SIDT1: variants seen among roughly 807,000 people sequenced by gnomAD.
SIDT1 encodes SID1 transmembrane family member 1.
A neutral mutation model predicts 107.5 loss-of-function variants in SIDT1; 101 were observed. That is an observed-to-expected ratio of 0.94 (90% CI 0.80 to 1.11). The LOEUF is 1.11. Among genes scored for constraint, SIDT1 ranks in the 50% least tolerant of loss-of-function variants. The pLI is 0.00. For synonymous variants in SIDT1, 395 were observed against 398.2 expected (o/e 0.99, Z 0.10); for missense variants, 1,076 against 1,058.2 (o/e 1.02, Z -0.23).
chr3:113,598,258 C>T (rs1047414093), intron 10 of SIDT1, among the ~76,000 whole-genome samples: 1 of 151,556 alleles, frequency 6.6e-6, no homozygotes, highest in African/African-American at 2.4e-5. Context: ...TCTGAACAGA[C>T]CTACACAGCT....
In SIDT1 at chr3:113,584,754, GT is replaced by G. The variant is rs749120495; in HGVS notation, c.893del (p.Val298AlafsTer10). 6.3e-7 allele frequency: 1 copy of G among 1,593,872 alleles called. No individual in the cohort carries two copies. The highest frequency in any genetic ancestry group is 2.2e-5 in the East Asian group (1 of 44,630). On this transcript the variant is annotated frameshift_variant, in exon 8 of 25. Coordinates refer to ENST00000264852, the MANE Select transcript of SIDT1 (RefSeq NM_017699.3). LOFTEE classifies it high-confidence loss of function. ...QRKKNLEVTI[V>X]PSIKESVYVK... The stretch of plus-strand genomic sequence containing the variant: ...AAAAAAGAACCTTGAAGTGACCATT[GT>G]CCCTTCCATTAAAGGTCAGTGTTGG...
chr3:113,565,302 C>T (rs12629813), intron 1 of SIDT1, among the ~76,000 whole-genome samples: 68,117 of 151,610 alleles, frequency 0.45, 15,733 homozygotes, highest in East Asian at 0.76. Context: ...GAGGCTGAGG[C>T]GGGCAGATCA....
intron 20 of SIDT1, 119 bp downstream of exon 20, chr3:113,616,295 G>GT (rs1250733473): frequency 4.0e-6 from 3 of 752,904 alleles, no homozygotes; most frequent in African/African-American, 1.7e-5. Context: ...ATGGCCCAGG[G>GT]TGGCTAAAGG....
chr3:113,574,832 A>C (rs1379371350), intron 3 of SIDT1, among the ~76,000 whole-genome samples: 1 of 152,202 alleles, frequency 6.6e-6, no homozygotes, highest in Admixed American at 6.5e-5. Flanking sequence ...TTAATTTTTA[A>C]AACAAATCAG....
At position 113,601,588 on chromosome 3, in the gene SIDT1, G is replaced by T. The variant is rs751851665; in HGVS notation, c.1046G>T (p.Gly349Val). The T allele has an allele frequency of 2.5e-6, 4 of 1,612,942 alleles. No homozygotes were observed. Among genetic ancestry groups the T allele is most frequent in the Non-Finnish European group, 3.4e-6 (4 of 1,179,252 alleles). Reference protein sequence around the residue: ...SIDGSFGSNDGSGNMVASHPI... With the variant: ...SIDGSFGSNDVSGNMVASHPI... ...TTTGCCTCTTCACTTTTTTTAACAG[G>T]CTCTGGAAATATGGTGGCATCTCAT... is the stretch of plus-strand genomic sequence containing the variant. Residue 349 changes from glycine to valine, a missense_variant and splice_region_variant, in exon 11 of 25, where the codon GGC becomes GTC. Physicochemically the swap from Gly to Val is moderately radical, Grantham distance 109 (BLOSUM62 -3). Transcript: ENST00000264852.
At chr3:113,592,637 C>T (rs1431265680) in intron 9 of SIDT1, 2 of 177,724 alleles carry the variant, frequency 1.1e-5, no homozygotes, top group East Asian at 1.5e-4. Context: ...CTCTGTCGCC[C>T]AATGCAGTGG....
chr3:113,605,124 C>CTTTTCT, intron 14 of SIDT1, 148 bp downstream of exon 14: 1 of 342,908 alleles, frequency 2.9e-6, no homozygotes, highest in African/African-American at 2.6e-5. Context: ...ATTGCTTCCT[C>CTTTTCT]TTTTTTTTTT....
chr3:113,549,410 A>G (rs1939960955), intron 1 of SIDT1, among the ~76,000 whole-genome samples: 1 of 152,206 alleles, frequency 6.6e-6, no homozygotes, highest in Non-Finnish European at 1.5e-5. Context: ...CCACAACCTC[A>G]TCAGCATTTG....
intron 1 of SIDT1, among the ~76,000 whole-genome samples, chr3:113,555,601 G>C (rs1244200507): frequency 6.6e-6 from 1 of 152,112 alleles, no homozygotes; most frequent in African/African-American, 2.4e-5. Flanking sequence ...AAGGATGAAG[G>C]CTTATATGAT....
At chr3:113,574,456 C>T (rs1942739642) in intron 3 of SIDT1, among the ~76,000 whole-genome samples, 1 of 152,194 alleles carries the variant, frequency 6.6e-6, no homozygotes, top group African/African-American at 2.4e-5. Flanking sequence ...GTGCTCTGTG[C>T]TAGGGGCTTG....
chr3:113,541,057 T>TA lies in SIDT1; in HGVS notation c.222+7815dup, dbSNP rs1938781143. Among the ~76,000 whole-genome samples, 12 of 152,216 alleles carry TA rather than the reference T, an allele frequency of 7.9e-5. No individual in the cohort carries two copies. In the South Asian group the frequency reaches 2.3e-3, roughly 29 times the overall value. On this transcript the variant is annotated intron_variant, in intron 1 of 24. Transcript: ENST00000264852. ...GTTGTATTTGCATTGTTAGAGTATA[T>TA]AGCCATTACGAGCTATATTGTCTTC...
At chr3:113,618,583 G>A (rs1365420815) in intron 20 of SIDT1, among the ~76,000 whole-genome samples, 2 of 152,208 alleles carry the variant, frequency 1.3e-5, no homozygotes, top group Non-Finnish European at 2.9e-5. Flanking sequence ...CCAGCATTTG[G>A]TGTTGTCACT....
chr3:113,563,206 A>G (rs1941590952), intron 1 of SIDT1, among the ~76,000 whole-genome samples: 1 of 152,248 alleles, frequency 6.6e-6, no homozygotes, highest in Non-Finnish European at 1.5e-5. Context: ...GGCTTGAGGG[A>G]TTCAACTCCG....
chr3:113,538,076 C>G (rs1393833848), intron 1 of SIDT1, among the ~76,000 whole-genome samples: 1 of 152,190 alleles, frequency 6.6e-6, no homozygotes, highest in Admixed American at 6.5e-5. Context: ...AGCCACTGTG[C>G]CTGGCCTCAT....
At chr3:113,580,321 G>T (rs1231614685) in intron 4 of SIDT1, among the ~76,000 whole-genome samples, 2 of 152,126 alleles carry the variant, frequency 1.3e-5, no homozygotes, top group Non-Finnish European at 2.9e-5. Context: ...ACAAACTAAA[G>T]TATAGCAAAG....
intron 1 of SIDT1, among the ~76,000 whole-genome samples, chr3:113,545,047 G>A (rs1034826707): frequency 1.3e-4 from 19 of 149,630 alleles, no homozygotes; most frequent in Middle Eastern, 3.5e-3. Flanking sequence ...CCCAGGAGGC[G>A]GAGTTTGCAG....
In SIDT1 at chr3:113,611,093, C is replaced by T; in HGVS notation, c.1806C>T (p.Tyr602=). The change falls in exon 18 of 25, where the codon TAC becomes TAT. Residue 602 remains tyrosine, a synonymous_variant. Coordinates refer to ENST00000264852, the MANE Select transcript of SIDT1 (RefSeq NM_017699.3). ...ACCCAGACATCAATGCCAGCGCCTA[C>T]TCTGCCTATGCCTCCTTTGCTGTGG... ...TRHPDINASA[Y]SAYASFAVVI... 2 of 1,614,174 alleles carry T rather than the reference C, an allele frequency of 1.2e-6. No individual in the cohort carries two copies. Among genetic ancestry groups the T allele is most frequent in the East Asian group, 4.5e-5 (2 of 44,882 alleles).
At chr3:113,561,688 C>A (rs557646482) in intron 1 of SIDT1, among the ~76,000 whole-genome samples, 23 of 152,330 alleles carry the variant, frequency 1.5e-4, no homozygotes, top group Admixed American at 1.3e-3. Context: ...AATCCCCCAG[C>A]AGCTTGCTAA....
At chr3:113,598,251 G>T (rs1484995738) in intron 10 of SIDT1, among the ~76,000 whole-genome samples, 3 of 151,858 alleles carry the variant, frequency 2.0e-5, no homozygotes, top group African/African-American at 7.3e-5. Flanking sequence ...CTTAAAGTCT[G>T]AACAGACCTA....
Sources: allele counts gnomAD v4.1 joint callset (sites outside exome capture counted in the v4.1 genomes callset), GRCh38; gene constraint gnomAD v4.1.1; transcripts MANE v1.5; gene names NCBI Gene and HGNC (gene_info 2026-07-23, HGNC 2026-07-21).